SEZ6: variants seen among roughly 807,000 people sequenced by gnomAD.
SEZ6 encodes seizure protein 6 homolog.
A neutral mutation model predicts 101.0 loss-of-function variants in SEZ6; 53 were observed. The observed-to-expected ratio is 0.52, with a 90% CI of 0.42 to 0.66. The LOEUF is 0.66. SEZ6 is among the 30% of genes least tolerant of loss of function. The pLI is 0.00. For synonymous variants in SEZ6, 488 were observed against 512.2 expected (o/e 0.95, Z 0.64); for missense variants, 1,102 against 1,289.4 (o/e 0.85, Z 2.23).
At chr17:28,990,431 T>C (rs1462000321) in intron 1 of SEZ6, among the ~76,000 whole-genome samples, 1 of 151,838 alleles carries the variant, frequency 6.6e-6, no homozygotes, top group Non-Finnish European at 1.5e-5. Flanking sequence ...ACCCAGACAG[T>C]TTTTTGTATT....
Position 28,960,825 on chromosome 17 carries a change from G to A in SEZ6, c.1389C>T (p.Ser463=), listed in dbSNP as rs1398087019. The A allele has an allele frequency of 6.2e-7, 1 of 1,613,902 alleles. No homozygotes were observed. Reference sequence around the variant, plus strand: ...CTCACCTGTCATCATCCTCTGCCAGGGAAACCTTCTCAAAGTGCAGGTGTA... The same window carrying A: ...CTCACCTGTCATCATCCTCTGCCAGAGAAACCTTCTCAAAGTGCAGGTGTA... ...QRLHLHFEKV[S]LAEDDDRLII... The change falls in exon 6 of 17, where the codon TCC becomes TCT. Residue 463 remains serine, a synonymous_variant. Transcript: ENST00000317338.
chr17:28,968,128 C>A (rs1404672384), intron 4 of SEZ6, among the ~76,000 whole-genome samples: 2 of 152,154 alleles, frequency 1.3e-5, no homozygotes, highest in Non-Finnish European at 2.9e-5. Flanking sequence ...GGTACTAGGC[C>A]CCTCACCCCC....
intron 5 of SEZ6, 63 bp downstream of exon 5, chr17:28,963,899 G>A: frequency 5.2e-6 from 8 of 1,541,908 alleles, no homozygotes; most frequent in Non-Finnish European, 1.8e-6. Flanking sequence ...GCAACAGAGA[G>A]CAGGGATGAG....
intron 3 of SEZ6, among the ~76,000 whole-genome samples, chr17:28,975,753 A>G (rs949767229): frequency 6.6e-6 from 1 of 152,182 alleles, no homozygotes; most frequent in African/African-American, 2.4e-5. Context: ...CTGGCTATCA[A>G]ACTGTCAGCT....
Position 28,981,436 on chromosome 17 carries a change from TCTC to T in SEZ6, c.656_658del (p.Gly219del). On this transcript the variant is annotated inframe_deletion, in exon 2 of 17. Transcript: ENST00000317338. ...GGTGGTAGTGGTGGTCTCCTCATCATCTCCTGAAGCTGTGGAGGAGGTGATGGT... is the reference window on the plus strand; with the variant it reads ...GGTGGTAGTGGTGGTCTCCTCATCATCTGAAGCTGTGGAGGAGGTGATGGT... 1 of 1,558,650 alleles carries T rather than the reference TCTC, an allele frequency of 6.4e-7. No homozygotes were observed. Among genetic ancestry groups the T allele is most frequent in the Middle Eastern group, 1.7e-4 (1 of 6,006 alleles).
intron 3 of SEZ6, among the ~76,000 whole-genome samples, chr17:28,974,535 C>T (rs973321770): frequency 6.6e-6 from 1 of 152,216 alleles, no homozygotes; most frequent in East Asian, 1.9e-4. Flanking sequence ...CTCATAAAGT[C>T]TCAATAAGGG....
In SEZ6 at chr17:29,005,749, C is replaced by A; in HGVS notation, c.55+66G>T. ...AGATGCCCGAAGCTGGGCACCGGGT[C>A]TCCCTTCCCACCCCTGGGGCCCCGC... On this transcript the variant is annotated intron_variant, in intron 1 of 16. Coordinates refer to ENST00000317338, the MANE Select transcript of SEZ6 (RefSeq NM_178860.5). The surrounding 1 kb of genome is among the most constrained non-coding windows in gnomAD (Gnocchi z 4.8). The A allele has an allele frequency of 7.0e-7, 1 of 1,433,758 alleles. No homozygotes were observed. 88.8% of individuals were successfully genotyped at this position (1,433,758 alleles called of 1,614,324 possible). A position where few individuals can be genotyped will look rare whatever the true frequency, so the allele number is the denominator to read the frequency against.
chr17:29,006,014 C>T lies in SEZ6; in HGVS notation c.-145G>A. ...GTCACCGCCGCTGCCGCCGCCAGCG[C>T]CTGACAGAATCAGCACCACGGCCAG... On this transcript the variant is annotated 5_prime_UTR_variant, in exon 1 of 17. Coordinates refer to ENST00000317338, the MANE Select transcript of SEZ6 (RefSeq NM_178860.5). The T allele has an allele frequency of 3.2e-6, 2 of 629,072 alleles. No individual in the cohort carries two copies. Among genetic ancestry groups the T allele is most frequent in the African/African-American group, 1.9e-5 (1 of 51,426 alleles). 39.0% of individuals were successfully genotyped at this position (629,072 alleles called of 1,614,324 possible). A position where few individuals can be genotyped will look rare whatever the true frequency, so the allele number is the denominator to read the frequency against.
In SEZ6 at chr17:29,005,940, G is replaced by T. The variant is rs2041684760; in HGVS notation, c.-71C>A. On this transcript the variant is annotated 5_prime_UTR_variant, in exon 1 of 17. Transcript: ENST00000317338. This position sits in a 1 kb window ranked among gnomAD's most constrained non-coding sequence, Gnocchi z 4.8. ...GCGGGGGGCTTGGTGGGGCTTGGGC[G>T]CGGGGGCAGAGCCGGGTCCGGCCGG... 1.5e-6 allele frequency: 2 copies of T among 1,304,288 alleles called. No individual in the cohort carries two copies. The highest frequency in any genetic ancestry group is 1.5e-5 in the African/African-American group (1 of 64,704). 80.8% of individuals were successfully genotyped at this position (1,304,288 alleles called of 1,614,324 possible).
At chr17:28,956,644 G>A in intron 14 of SEZ6, 75 bp downstream of exon 14, 1 of 1,543,784 alleles carries the variant, frequency 6.5e-7, no homozygotes, top group Admixed American at 2.0e-5. Flanking sequence ...CCCTCCTTGG[G>A]AAGCCCATGA....
At chr17:29,006,228 C>T (rs2041689942), upstream of SEZ6, 1 of 183,174 alleles carries the variant, frequency 5.5e-6, no homozygotes, top group Non-Finnish European at 1.1e-5. Flanking sequence ...CACCCCCAGC[C>T]AAGCATGCCA....
chr17:28,995,120 G>A (rs762774999), intron 1 of SEZ6, among the ~76,000 whole-genome samples: 4 of 151,970 alleles, frequency 2.6e-5, no homozygotes, highest in African/African-American at 4.8e-5. Context: ...TGACCCACCC[G>A]CCTTGGCCTC....
At chr17:28,968,816 C>A (rs2041108760) in intron 4 of SEZ6, among the ~76,000 whole-genome samples, 1 of 152,206 alleles carries the variant, frequency 6.6e-6, no homozygotes, top group Non-Finnish European at 1.5e-5. Flanking sequence ...CCAATTATTT[C>A]CGTATTAGTT....
In SEZ6 at chr17:28,957,974, T is replaced by C. The variant is rs933657363; in HGVS notation, c.2275A>G (p.Ser759Gly). ...VLMCQWDLTW[S>G]EDLPSCQRVT... ...CTCTGGCATGAGGGCAGGTCCTCAC[T>C]CCAAGTTAGGTCCCACTGGCACATG... Residue 759 changes from serine (S) to glycine (G), a missense_variant, in exon 11 of 17, where the codon AGT becomes GGT. Ser to Gly is a moderately conservative substitution (Grantham distance 56). This residue lies in a region of SEZ6 where 556 missense variants were observed against 735.1 expected (regional missense o/e 0.76). Transcript: ENST00000317338. The C allele has an allele frequency of 6.2e-7, 1 of 1,613,890 alleles. No homozygotes were observed. Among genetic ancestry groups the C allele is most frequent in the Non-Finnish European group, 8.5e-7 (1 of 1,179,790 alleles).
intron 2 of SEZ6, 66 bp from the exon 3 acceptor site, chr17:28,979,879 C>A: frequency 8.2e-7 from 1 of 1,216,744 alleles, no homozygotes; most frequent in Non-Finnish European, 1.1e-6. Flanking sequence ...TAAGGCTGAA[C>A]CGTGTGTGTG....
At chr17:28,986,211 G>T (rs1285124913) in intron 1 of SEZ6, among the ~76,000 whole-genome samples, 3 of 152,248 alleles carry the variant, frequency 2.0e-5, no homozygotes, top group Non-Finnish European at 2.9e-5. Context: ...AGCCATTCAG[G>T]ATGCCTCCCC....
chr17:29,002,311 A>G (rs568197876), intron 1 of SEZ6, among the ~76,000 whole-genome samples: 63 of 152,238 alleles, frequency 4.1e-4, no homozygotes, highest in African/African-American at 1.5e-3. Flanking sequence ...TGCTCCCCAT[A>G]TTTAGGCAGG....
Position 28,964,005 on chromosome 17 carries a change from A to G in SEZ6, c.1197T>C (p.Asn399=). 1.2e-6 allele frequency: 2 copies of G among 1,612,662 alleles called. No homozygotes were observed. The highest frequency in any genetic ancestry group is 1.7e-6 in the Non-Finnish European group (2 of 1,179,356). The change falls in exon 5 of 17, where the codon AAT becomes AAC. Residue 399 remains asparagine (N), a synonymous_variant. Coordinates refer to ENST00000317338, the MANE Select transcript of SEZ6 (RefSeq NM_178860.5). The part of the protein sequence containing the change: ...LKGARHLTCL[N]ATQPFWDSKE... ...TTGAATCCCAGAAGGGCTGGGTGGC[A>G]TTGAGACAGGTGAGATGCCTGGCGC...
At position 28,973,716 on chromosome 17, in the gene SEZ6, CAG is replaced by C. The variant is rs777092538; in HGVS notation, c.859-3766_859-3765del. 1.6e-4 allele frequency among the ~76,000 whole-genome samples: 24 copies of C among 152,330 alleles called. No homozygotes were observed. In the South Asian group the frequency reaches 2.5e-3, roughly 16 times the overall value. On this transcript the variant is annotated intron_variant, in intron 3 of 16. Coordinates refer to ENST00000317338, the MANE Select transcript of SEZ6 (RefSeq NM_178860.5). Reference sequence around the variant, plus strand: ...GAGGGCCAGGCTGACAGAGGCCAGACAGGGCTGGGTGTCGGACAGGAGGGGTG... The same window carrying C: ...GAGGGCCAGGCTGACAGAGGCCAGACGGCTGGGTGTCGGACAGGAGGGGTG...
Sources: gnomAD v4.1 joint callset for allele counts (sites outside exome capture counted in the v4.1 genomes callset) on GRCh38, gnomAD v4.1.1 for gene constraint, gnomAD v4.1.1 regional missense constraint, Gnocchi (gnomAD v3.1) non-coding constraint, MANE v1.5 for transcripts, NCBI Gene and HGNC (gene_info 2026-07-23, HGNC 2026-07-21) for gene names.